PAK5: variants seen among roughly 807,000 people sequenced by gnomAD.
PAK5 encodes p21 (RAC1) activated kinase 5.
A neutral mutation model predicts 65.9 loss-of-function variants in PAK5; 16 were observed. The observed-to-expected ratio is 0.24, with a 90% CI of 0.16 to 0.37. The LOEUF is 0.37. PAK5 is among the 10% of genes least tolerant of loss of function. The pLI is 1.00. For missense variants in PAK5, 785 were observed against 903.9 expected (o/e 0.87, Z 1.69); for synonymous variants, 371 against 354.9 (o/e 1.05, Z -0.51).
rs140983516 is a variant in PAK5 at position 9,571,639 on chromosome 20, C to T, written c.991-5255G>A. On this transcript the variant is annotated intron_variant, in intron 4 of 9. Transcript: ENST00000353224. ...ATACTTATTGAGTGCTTTCTACATG[C>T]CAGGGACTGTTCTAAGCACACTGTG... Among the ~76,000 whole-genome samples the T allele has an allele frequency of 5.1e-4, 77 of 152,270 alleles. 1 individual carries two copies. The highest frequency in any genetic ancestry group is 4.1e-4 in the South Asian group (2 of 4,820).
At chr20:9,672,143 C>T (rs977688017) in intron 2 of PAK5, among the ~76,000 whole-genome samples, 6 of 151,730 alleles carry the variant, frequency 4.0e-5, no homozygotes, top group African/African-American at 1.5e-4. Flanking sequence ...ATTAATTCAG[C>T]TTTTGAAGGC....
At chr20:9,753,684 C>T (rs989070025) in intron 1 of PAK5, among the ~76,000 whole-genome samples, 1 of 152,102 alleles carries the variant, frequency 6.6e-6, no homozygotes, top group Admixed American at 6.6e-5. Context: ...AATCAAAAAG[C>T]TAACAAAGAG....
intron 2 of PAK5, among the ~76,000 whole-genome samples, chr20:9,657,686 C>T (rs1482472594): frequency 6.6e-6 from 1 of 152,184 alleles, no homozygotes; most frequent in African/African-American, 2.4e-5. Flanking sequence ...AGAGCAGCTG[C>T]AGGCCTACTC....
At chr20:9,573,476 G>C (rs956661312) in intron 4 of PAK5, among the ~76,000 whole-genome samples, 2 of 152,186 alleles carry the variant, frequency 1.3e-5, no homozygotes, top group Non-Finnish European at 2.9e-5. Context: ...GATTACAGCT[G>C]GTTGTCAGCC....
At chr20:9,622,719 G>T (rs2046787794) in intron 3 of PAK5, among the ~76,000 whole-genome samples, 1 of 152,188 alleles carries the variant, frequency 6.6e-6, no homozygotes, top group African/African-American at 2.4e-5. Context: ...GAGGGATCTA[G>T]GTTGTGTGCT....
At chr20:9,665,672 T>TA (rs1352006362) in intron 2 of PAK5, among the ~76,000 whole-genome samples, 1 of 151,612 alleles carries the variant, frequency 6.6e-6, no homozygotes, top group Non-Finnish European at 1.5e-5. Flanking sequence ...CTTTTTTTTT[T>TA]TTTGAGATGG....
intron 1 of PAK5, among the ~76,000 whole-genome samples, chr20:9,745,006 G>A (rs1360980209): frequency 1.3e-5 from 2 of 152,050 alleles, no homozygotes; most frequent in Non-Finnish European, 2.9e-5. Flanking sequence ...AGAGAGGACA[G>A]TAGACAGACA....
intron 1 of PAK5, among the ~76,000 whole-genome samples, chr20:9,798,834 C>G (rs1414795000): frequency 6.6e-6 from 1 of 152,088 alleles, no homozygotes; most frequent in Non-Finnish European, 1.5e-5. Flanking sequence ...TCAGCCTCAG[C>G]TGGTAACTTA....
At chr20:9,757,491 C>A (rs924341343) in intron 1 of PAK5, among the ~76,000 whole-genome samples, 1 of 152,146 alleles carries the variant, frequency 6.6e-6, no homozygotes, top group Admixed American at 6.6e-5. Context: ...TCAGTCCAGT[C>A]TTTAATAAGA....
At chr20:9,633,088 C>T (rs1412458911) in intron 3 of PAK5, among the ~76,000 whole-genome samples, 1 of 152,234 alleles carries the variant, frequency 6.6e-6, no homozygotes, top group Middle Eastern at 3.4e-3. Flanking sequence ...AACAAACCAC[C>T]CACACTCAGG....
intron 1 of PAK5, among the ~76,000 whole-genome samples, chr20:9,739,228 C>CTT (rs55690747): frequency 0.48 from 69,375 of 145,570 alleles, 16,617 homozygotes; most frequent in East Asian, 0.71. Flanking sequence ...TCTTTGCTTT[C>CTT]TTTTTTTTTT....
In PAK5 at chr20:9,737,268, C is replaced by A. The variant is rs545314373; in HGVS notation, c.-161-25833G>T. ...AACTCTGTGCTGCCTCTAAGGAACA[C>A]AGTGTATAGATAGACACAAATAAAT... On this transcript the variant is annotated intron_variant, in intron 1 of 9. Transcript: ENST00000353224. Among the ~76,000 whole-genome samples, 22 of 152,206 alleles carry A rather than the reference C, an allele frequency of 1.4e-4. No homozygotes were observed. The South Asian group carries it at 4.4e-3, about 30-fold the overall frequency.
chr20:9,644,369 C>T, intron 2 of PAK5, 30 bp from the exon 3 acceptor site: 1 of 1,440,774 alleles, frequency 6.9e-7, no homozygotes, highest in Non-Finnish European at 9.7e-7. Flanking sequence ...AAGAGGCAGC[C>T]ATTTATATCT....
intron 3 of PAK5, among the ~76,000 whole-genome samples, chr20:9,642,627 T>C (rs2047084009): frequency 6.6e-6 from 1 of 152,238 alleles, no homozygotes; most frequent in African/African-American, 2.4e-5. Context: ...TCCACCTTAT[T>C]ATATGATCAT....
intron 1 of PAK5, among the ~76,000 whole-genome samples, chr20:9,749,009 G>C (rs2048542545): frequency 6.6e-6 from 1 of 151,830 alleles, no homozygotes; most frequent in South Asian, 2.1e-4. Flanking sequence ...CATTACCGCA[G>C]GTTAGTTTGG....
intron 1 of PAK5, among the ~76,000 whole-genome samples, chr20:9,757,592 G>A (rs951412882): frequency 6.6e-5 from 10 of 152,096 alleles, no homozygotes; most frequent in Non-Finnish European, 1.3e-4. Context: ...GAGATTCAGT[G>A]GAGGGTTTTG....
intron 4 of PAK5, among the ~76,000 whole-genome samples, chr20:9,578,841 GGT>G (rs2045930889): frequency 6.6e-6 from 1 of 151,898 alleles, no homozygotes; most frequent in South Asian, 2.1e-4. Context: ...CCTGAGTGTG[GGT>G]GTTCAAGTAC....
chr20:9,801,651 T>C (rs2049170549), intron 1 of PAK5, among the ~76,000 whole-genome samples: 1 of 151,930 alleles, frequency 6.6e-6, no homozygotes, highest in African/African-American at 2.4e-5. Flanking sequence ...AACTAAAATT[T>C]TCTTTCTATC....
intron 2 of PAK5, among the ~76,000 whole-genome samples, chr20:9,706,471 C>CTTTT (rs34420250): frequency 1.5e-4 from 19 of 125,414 alleles, no homozygotes; most frequent in Admixed American, 5.9e-4. Flanking sequence ...TCTACAAACT[C>CTTTT]TTTTTTTTTT....
Sources: allele counts gnomAD v4.1 joint callset (sites outside exome capture counted in the v4.1 genomes callset), GRCh38; gene constraint gnomAD v4.1.1; transcripts MANE v1.5; gene names NCBI Gene and HGNC (gene_info 2026-07-23, HGNC 2026-07-21).